The following ANKRD6 variants were observed in gnomAD, a reference collection of about 807,000 sequenced individuals.
The protein encoded by ANKRD6 is ankyrin repeat domain-containing protein 6.
ANKRD6 carries 56 observed loss-of-function variants against 82.3 expected under a neutral mutation model. That is an observed-to-expected ratio of 0.68 (90% CI 0.55 to 0.85). The LOEUF (loss-of-function observed/expected upper bound fraction) is 0.85. Among genes scored for constraint, ANKRD6 ranks in the 40% least tolerant of loss-of-function variants. The probability of loss-of-function intolerance (pLI) is 0.00; values close to 1 mark genes in which losing one functional copy is unlikely to be tolerated. For synonymous variants in ANKRD6, 347 were observed against 352.1 expected (o/e 0.99, Z 0.16); for missense variants, 852 against 907.6 (o/e 0.94, Z 0.79).
chr6:89,613,715 T>A (rs1423654865), intron 6 of ANKRD6, 77 bp from the exon 7 acceptor site: 2 of 1,340,792 alleles, frequency 1.5e-6, no homozygotes, highest in Non-Finnish European at 2.1e-6. Flanking sequence ...AGCTTTTAAA[T>A]AACATTTTCT....
At chr6:89,476,910 T>G (rs1253631780) in intron 1 of ANKRD6, among the ~76,000 whole-genome samples, 1 of 152,258 alleles carries the variant, frequency 6.6e-6, no homozygotes, top group East Asian at 1.9e-4. Context: ...TTTTCAAATA[T>G]CATTTTTCCT....
chr6:89,445,815 G>C (rs1206988351), intron 1 of ANKRD6, among the ~76,000 whole-genome samples: 1 of 150,860 alleles, frequency 6.6e-6, no homozygotes, highest in Non-Finnish European at 1.5e-5. Context: ...CCTGACCTCA[G>C]GTGATCCTCC....
chr6:89,589,034 G>C (rs1794358219), intron 2 of ANKRD6, among the ~76,000 whole-genome samples: 2 of 151,430 alleles, frequency 1.3e-5, no homozygotes, highest in South Asian at 2.1e-4. Context: ...TCCAGGAATG[G>C]CTAAGCACCA....
chr6:89,477,093 C>T (rs1776129418), intron 1 of ANKRD6, among the ~76,000 whole-genome samples: 4 of 152,080 alleles, frequency 2.6e-5, no homozygotes, highest in African/African-American at 9.7e-5. Flanking sequence ...TACAGGCACC[C>T]CCTACCACGC....
At chr6:89,612,100 C>G (rs762302373) in intron 5 of ANKRD6, among the ~76,000 whole-genome samples, 172 bp from the exon 6 acceptor site, 9 of 152,220 alleles carry the variant, frequency 5.9e-5, no homozygotes, top group Non-Finnish European at 1.2e-4. Flanking sequence ...TGTTCAGACT[C>G]CAAATTAAAT....
intron 4 of ANKRD6, among the ~76,000 whole-genome samples, chr6:89,605,714 A>G (rs140640757): frequency 6.6e-6 from 1 of 152,254 alleles, no homozygotes; most frequent in Non-Finnish European, 1.5e-5. Flanking sequence ...GCCTCTCTCA[A>G]CTGGGGTTCC....
chr6:89,596,562 AAG>A (rs978388414), intron 3 of ANKRD6, among the ~76,000 whole-genome samples: 14 of 152,194 alleles, frequency 9.2e-5, no homozygotes, highest in Non-Finnish European at 1.9e-4. Context: ...GGCCTCCAGA[AAG>A]AGTTTACTCT....
chr6:89,457,030 C>CT (rs1450381996), intron 1 of ANKRD6, among the ~76,000 whole-genome samples: 1 of 152,174 alleles, frequency 6.6e-6, no homozygotes, highest in Non-Finnish European at 1.5e-5. Context: ...GAAAGGTTGA[C>CT]TGGGGTGGGA....
intron 1 of ANKRD6, among the ~76,000 whole-genome samples, chr6:89,530,961 G>T (rs1462251484): frequency 6.6e-6 from 1 of 152,246 alleles, no homozygotes; most frequent in African/African-American, 2.4e-5. Context: ...GAGTTACAAA[G>T]TCTGTTGGGT....
At chr6:89,611,502 A>T (rs1035387481) in intron 5 of ANKRD6, among the ~76,000 whole-genome samples, 2 of 152,088 alleles carry the variant, frequency 1.3e-5, no homozygotes, top group Middle Eastern at 3.2e-3. Context: ...TAGACTCAAA[A>T]GTTCTGTTCA....
chr6:89,624,176 T>A, intron 12 of ANKRD6, 119 bp downstream of exon 12: 1 of 1,226,658 alleles, frequency 8.2e-7, no homozygotes, highest in South Asian at 1.6e-5. Context: ...GCACAAGCTT[T>A]GAAGGTAAGC....
intron 1 of ANKRD6, among the ~76,000 whole-genome samples, chr6:89,457,179 T>C (rs1330952413): frequency 6.6e-6 from 1 of 152,216 alleles, no homozygotes; most frequent in Admixed American, 6.5e-5. Context: ...TGATTCAAGA[T>C]GCTAAGACAA....
At chr6:89,468,622 A>G (rs1775111525) in intron 1 of ANKRD6, among the ~76,000 whole-genome samples, 1 of 146,414 alleles carries the variant, frequency 6.8e-6, no homozygotes, top group South Asian at 2.1e-4. Flanking sequence ...AAAAAAAAAA[A>G]AAGTCCGTGC....
At chr6:89,498,212 T>C (rs995863832) in intron 1 of ANKRD6, among the ~76,000 whole-genome samples, 3 of 152,202 alleles carry the variant, frequency 2.0e-5, no homozygotes, top group Non-Finnish European at 4.4e-5. Context: ...CCTACTTCTT[T>C]GGGTTATTTT....
intron 1 of ANKRD6, among the ~76,000 whole-genome samples, chr6:89,499,562 G>T (rs944730766): frequency 2.0e-5 from 3 of 152,096 alleles, no homozygotes; most frequent in Non-Finnish European, 4.4e-5. Context: ...CGCAGTGCTG[G>T]GGGGAGGGTG....
At chr6:89,497,571 C>T (rs1778776206) in intron 1 of ANKRD6, among the ~76,000 whole-genome samples, 1 of 152,142 alleles carries the variant, frequency 6.6e-6, no homozygotes. Context: ...GTCTTGTTTT[C>T]TAAATTGTGT....
At chr6:89,506,690 T>C (rs1779905047) in intron 1 of ANKRD6, among the ~76,000 whole-genome samples, 1 of 152,224 alleles carries the variant, frequency 6.6e-6, no homozygotes, top group South Asian at 2.1e-4. Flanking sequence ...CCACTTCCCA[T>C]TCCACAGTTT....
At chr6:89,435,647 T>C (rs1484729237) in intron 1 of ANKRD6, among the ~76,000 whole-genome samples, 1 of 152,212 alleles carries the variant, frequency 6.6e-6, no homozygotes, top group South Asian at 2.1e-4. Flanking sequence ...CGAAGGTGTG[T>C]TCTGTCTGTG....
In ANKRD6 at chr6:89,464,134, G is replaced by A. The variant is rs559075189; in HGVS notation, c.-144+30759G>A. Among the ~76,000 whole-genome samples, 6 of 152,190 alleles carry A rather than the reference G, an allele frequency of 3.9e-5. No homozygotes were observed. The East Asian group carries it at 9.6e-4, about 24-fold the overall frequency. On this transcript the variant is annotated intron_variant, in intron 1 of 15. Coordinates refer to ENST00000339746, the MANE Select transcript of ANKRD6 (RefSeq NM_001242809.2). Reference sequence around the variant, plus strand: ...TTATGAACTCTAGCTGGGGAGTACCGTTATTAGTCCTTGAAGTTAAAAAAC... The same window carrying A: ...TTATGAACTCTAGCTGGGGAGTACCATTATTAGTCCTTGAAGTTAAAAAAC...
Sources: gnomAD v4.1 joint callset for allele counts (sites outside exome capture counted in the v4.1 genomes callset) on GRCh38, gnomAD v4.1.1 for gene constraint, MANE v1.5 for transcripts, NCBI Gene and HGNC (gene_info 2026-07-23, HGNC 2026-07-21) for gene names.